SHF: variants seen among roughly 807,000 people sequenced by gnomAD.
SHF encodes the protein SH2 domain-containing adapter protein F.
In SHF, 30 loss-of-function variants were observed where a neutral mutation model predicts 42.4. The observed-to-expected ratio is 0.71, with a 90% CI of 0.53 to 0.96. The LOEUF (loss-of-function observed/expected upper bound fraction) is 0.96. Ranked by LOEUF, SHF falls within the 40% of genes least tolerant of loss-of-function variation. The pLI, the probability that SHF is intolerant of heterozygous loss-of-function variation, is 0.00. For missense variants in SHF, 598 were observed against 634.0 expected, an observed-to-expected ratio of 0.94 and a Z score of 0.61; for synonymous variants, 264 against 269.9, an observed-to-expected ratio of 0.98 and a Z score of 0.21.
rs766725431 is a variant in SHF at position 45,178,186 on chromosome 15, C to T, written c.619G>A (p.Glu207Lys). ...PENDGYMEPY[E>K]AQKMMAEIRG... The stretch of plus-strand genomic sequence containing the variant: ...TCACCGGCCATCATCTTTTGAGCCT[C>T]ATAGGGCTCCATGTAGCCATCATTT... Residue 207 changes from glutamate (E) to lysine (K), a missense_variant, in exon 2 of 7, where the codon GAG becomes AAG. Around this residue, in one of 2 missense-constraint regions of SHF, gnomAD observed 439 missense variants for 524.6 expected, o/e 0.84. Coordinates refer to ENST00000690270, the MANE Select transcript of SHF (RefSeq NM_001394037.1). The T allele has an allele frequency of 1.2e-6, 2 of 1,613,260 alleles. No homozygotes were observed. Among genetic ancestry groups the T allele is most frequent in the Non-Finnish European group, 1.7e-6 (2 of 1,179,874 alleles).
At chr15:45,173,767 A>G in intron 3 of SHF, 51 bp from the exon 4 acceptor site, 9 of 1,543,736 alleles carry the variant, frequency 5.8e-6, no homozygotes, top group Non-Finnish European at 6.1e-6. Context: ...ACAGAGACAG[A>G]AAGAGGTAGA....
intron 1 of SHF, among the ~76,000 whole-genome samples, chr15:45,184,178 T>G (rs1439920313): frequency 3.3e-5 from 5 of 152,178 alleles, no homozygotes; most frequent in African/African-American, 1.2e-4. Flanking sequence ...AGAGATGGTC[T>G]TACATTGACT....
At chr15:45,173,899 T>A (rs911008855) in intron 3 of SHF, among the ~76,000 whole-genome samples, 183 bp from the exon 4 acceptor site, 3 of 152,144 alleles carry the variant, frequency 2.0e-5, no homozygotes, top group African/African-American at 4.8e-5. Context: ...AGAGCCAACG[T>A]TGACCACACC....
At chr15:45,172,057 G>A (rs1897520544) in intron 5 of SHF, 55 bp from the exon 6 acceptor site, 6 of 1,613,740 alleles carry the variant, frequency 3.7e-6, no homozygotes, top group East Asian at 2.2e-5. Flanking sequence ...CGCTGTCCAG[G>A]CCCACCCATT....
intron 2 of SHF, among the ~76,000 whole-genome samples, chr15:45,193,355 G>T (rs1404629138): frequency 6.6e-6 from 1 of 152,202 alleles, no homozygotes; most frequent in Non-Finnish European, 1.5e-5. Context: ...CTGGAAAGGT[G>T]GGACAACTGG....
At chr15:45,179,995 A>T (rs1354196383) in intron 1 of SHF, among the ~76,000 whole-genome samples, 1 of 151,928 alleles carries the variant, frequency 6.6e-6, no homozygotes, top group South Asian at 2.1e-4. Flanking sequence ...GTACCTCCCA[A>T]TGGCTCCTAC....
upstream of SHF, among the ~76,000 whole-genome samples, chr15:45,189,889 A>G (rs1898664372): frequency 1.3e-5 from 2 of 152,108 alleles, no homozygotes; most frequent in African/African-American, 4.8e-5. Flanking sequence ...AGTCCCAGGT[A>G]CCTGGGAGGT....
intron 3 of SHF, among the ~76,000 whole-genome samples, 183 bp from the exon 4 acceptor site, chr15:45,173,899 T>G (rs911008855): frequency 6.6e-6 from 1 of 152,144 alleles, no homozygotes; most frequent in African/African-American, 2.4e-5. Flanking sequence ...AGAGCCAACG[T>G]TGACCACACC....
At chr15:45,183,495 G>A (rs988112487) in intron 1 of SHF, among the ~76,000 whole-genome samples, 8 of 152,246 alleles carry the variant, frequency 5.3e-5, no homozygotes, top group Non-Finnish European at 1.2e-4. Flanking sequence ...CTAAGGCTAG[G>A]CACCAGGCTC....
At chr15:45,176,270 C>T (rs1296909693) in intron 2 of SHF, among the ~76,000 whole-genome samples, 1 of 151,688 alleles carries the variant, frequency 6.6e-6, no homozygotes, top group Non-Finnish European at 1.5e-5. Context: ...AACTCATCAC[C>T]TTCTCTAAAG....
rs1009714571 is a variant in SHF, at chr15:45,196,697, A to C, written c.303+2075T>G. 5.3e-5 allele frequency among the ~76,000 whole-genome samples: 8 copies of C among 152,038 alleles called. No individual in the cohort carries two copies. The South Asian group carries it at 1.7e-3, about 32-fold the overall frequency. ...CAGAACACGAGGTCAGGAGATCGAG[A>C]CCATCCTGGCTAACACGGTGAAACC... is the stretch of plus-strand genomic sequence containing the variant. On this transcript the variant is annotated intron_variant, in intron 2 of 7. Coordinates refer to the SHF transcript ENST00000290894.
At chr15:45,194,696 A>T (rs771997506) in intron 2 of SHF, among the ~76,000 whole-genome samples, 16 of 152,118 alleles carry the variant, frequency 1.1e-4, no homozygotes, top group Non-Finnish European at 2.1e-4. Flanking sequence ...TAAGCTCTTC[A>T]GTGCTTTCTC....
upstream of SHF, among the ~76,000 whole-genome samples, chr15:45,191,337 C>A (rs1898703374): frequency 6.6e-6 from 1 of 152,170 alleles, no homozygotes; most frequent in East Asian, 1.9e-4. Context: ...TGCACATTAC[C>A]ATACCTGGCT....
At chr15:45,195,872 T>A (rs41346544) in intron 2 of SHF, among the ~76,000 whole-genome samples, 1 of 152,140 alleles carries the variant, frequency 6.6e-6, no homozygotes, top group Admixed American at 6.5e-5. Context: ...TTGTCTTGGG[T>A]CCATCTCTGT....
upstream of SHF, among the ~76,000 whole-genome samples, chr15:45,189,563 T>C (rs548320050): frequency 1.4e-3 from 213 of 152,096 alleles, no homozygotes; most frequent in Non-Finnish European, 2.8e-3. Context: ...TAATTTTTTG[T>C]ATTTTTAGTA....
chr15:45,192,358 ATTTTTTTTT>A (rs1193075020), upstream of SHF, among the ~76,000 whole-genome samples: 4 of 75,578 alleles, frequency 5.3e-5, no homozygotes, highest in African/African-American at 2.5e-4. Context: ...CTGATTCCAG[ATTTTTTTTT>A]TTTTTTTTTT....
intron 2 of SHF, among the ~76,000 whole-genome samples, chr15:45,176,530 C>G (rs1369827202): frequency 6.6e-6 from 1 of 152,030 alleles, no homozygotes; most frequent in Non-Finnish European, 1.5e-5. Context: ...CTTGGCCTCT[C>G]TTTCCCAAGA....
At position 45,167,463 on chromosome 15, in the gene SHF, C is replaced by T. The variant is rs1198622597; in HGVS notation, c.*484G>A. The stretch of plus-strand genomic sequence containing the variant: ...CCCAAAGCCGGCTGCTTCCCAGGGG[C>T]CTGTCTTCCCCAAACCTCTTACCAG... On this transcript the variant is annotated 3_prime_UTR_variant, in exon 7 of 7. Transcript: ENST00000690270. The T allele has an allele frequency of 6.5e-6, 1 of 152,754 alleles. No homozygotes were observed. Among genetic ancestry groups the T allele is most frequent in the Non-Finnish European group, 1.5e-5 (1 of 68,428 alleles). The allele number at this position is 152,754 out of a possible 1,614,324, so 9.5% of individuals were successfully genotyped here.
intron 3 of SHF, among the ~76,000 whole-genome samples, chr15:45,174,841 T>C (rs1475615489): frequency 1.3e-5 from 2 of 152,212 alleles, no homozygotes; most frequent in Non-Finnish European, 2.9e-5. Context: ...GCTGTCTTTA[T>C]TGTTTGAAGT....
Sources: allele counts gnomAD v4.1 joint callset (sites outside exome capture counted in the v4.1 genomes callset), GRCh38; gene constraint gnomAD v4.1.1; regional missense constraint gnomAD v4.1.1; transcripts MANE v1.5; gene names NCBI Gene and HGNC (gene_info 2026-07-23, HGNC 2026-07-21).